Variants in IDNK observed in about 807,000 individuals in gnomAD.
IDNK encodes the protein gluconokinase.
Under a neutral mutation model 13.0 loss-of-function variants are expected in IDNK, and 9 were observed. That is an observed-to-expected ratio of 0.69 (90% CI 0.42 to 1.21). The LOEUF is 1.21. Ranked by LOEUF, IDNK falls within the 50% of genes most tolerant of loss-of-function variation. The pLI, the probability that IDNK is intolerant of heterozygous loss-of-function variation, is 0.00. For missense variants in IDNK, 210 were observed against 237.8 expected (o/e 0.88, Z 0.77); for synonymous variants, 92 against 94.9 (o/e 0.97, Z 0.18).
At chr9:83,624,026 G>A (rs1276859227) in intron 1 of IDNK, among the ~76,000 whole-genome samples, 1 of 152,192 alleles carries the variant, frequency 6.6e-6, no homozygotes, top group Non-Finnish European at 1.5e-5. Flanking sequence ...ATCAGGAACG[G>A]CCCATGTTGT....
chr9:83,641,657 A>AG, intron 4 of IDNK, 66 bp downstream of exon 4: 3 of 1,527,798 alleles, frequency 2.0e-6, no homozygotes, highest in East Asian at 2.3e-5. Flanking sequence ...CAGAAAAGAC[A>AG]GGGAAAAAAA....
At chr9:83,641,668 A>T in intron 4 of IDNK, 77 bp downstream of exon 4, 2 of 1,419,222 alleles carry the variant, frequency 1.4e-6, no homozygotes, top group Non-Finnish European at 2.0e-6. Context: ...GGGAAAAAAA[A>T]TACACTCCTG....
At chr9:83,640,097 T>C (rs1831262761) in intron 3 of IDNK, among the ~76,000 whole-genome samples, 1 of 152,162 alleles carries the variant, frequency 6.6e-6, no homozygotes, top group South Asian at 2.1e-4. Context: ...TCATAAATGT[T>C]GTAGCTACCA....
At chr9:83,641,797 C>G (rs1455384423) in intron 4 of IDNK, among the ~76,000 whole-genome samples, 1 of 152,230 alleles carries the variant, frequency 6.6e-6, no homozygotes, top group Non-Finnish European at 1.5e-5. Flanking sequence ...TGGAGACAAA[C>G]CTTCTAGACA....
In IDNK at chr9:83,628,931, T is replaced by C. The variant is rs1830936087; in HGVS notation, c.140T>C (p.Met47Thr). The C allele has an allele frequency of 6.2e-7, 1 of 1,613,878 alleles. No individual in the cohort carries two copies. Among genetic ancestry groups the C allele is most frequent in the African/African-American group, 1.3e-5 (1 of 74,930 alleles). ...DYHPEENRRK[M>T]GKGIPLNDQD... ...CACCCGGAGGAAAATCGAAGGAAGA[T>C]GGGAAAAGGCATACCGCTCAATGAC... The change falls in exon 3 of 5, where the codon ATG (methionine) becomes ACG (threonine). Residue 47 changes from methionine (M) to threonine (T), a missense_variant. Coordinates refer to ENST00000376419, the MANE Select transcript of IDNK (RefSeq NM_001001551.4).
At chr9:83,636,264 A>G (rs930432378) in intron 3 of IDNK, among the ~76,000 whole-genome samples, 2 of 152,228 alleles carry the variant, frequency 1.3e-5, no homozygotes, top group Non-Finnish European at 2.9e-5. Flanking sequence ...CCCTACACAC[A>G]CAATCAGCAC....
chr9:83,642,917 A>G (rs1374284715), intron 4 of IDNK, among the ~76,000 whole-genome samples: 1 of 152,040 alleles, frequency 6.6e-6, no homozygotes, highest in Non-Finnish European at 1.5e-5. Context: ...CCAGCTCTGC[A>G]TTGCACCTGG....
intron 1 of IDNK, among the ~76,000 whole-genome samples, chr9:83,625,256 C>T (rs1049946397): frequency 6.6e-6 from 1 of 152,146 alleles, no homozygotes; most frequent in African/African-American, 2.4e-5. Context: ...GGAGTCGCCA[C>T]AAACTGATTT....
intron 3 of IDNK, among the ~76,000 whole-genome samples, chr9:83,636,586 T>C (rs927167512): frequency 6.6e-6 from 1 of 152,222 alleles, no homozygotes; most frequent in Non-Finnish European, 1.5e-5. Context: ...GCATTAAATA[T>C]ATACACTCTT....
intron 3 of IDNK, among the ~76,000 whole-genome samples, chr9:83,637,528 C>T (rs1323188378): frequency 2.0e-5 from 3 of 152,212 alleles, no homozygotes; most frequent in Middle Eastern, 6.8e-3. Flanking sequence ...GGTGGTTACC[C>T]AGAGCTGGAG....
chr9:83,629,437 CTT>C (rs1204846237), intron 3 of IDNK, among the ~76,000 whole-genome samples: 5 of 152,320 alleles, frequency 3.3e-5, no homozygotes, highest in Non-Finnish European at 5.9e-5. Context: ...AGACCAAATA[CTT>C]ACACTGCTAA....
chr9:83,626,867 G>A (rs1051022966), intron 1 of IDNK: 9 of 1,086,530 alleles, frequency 8.3e-6, no homozygotes, highest in East Asian at 1.0e-4. Flanking sequence ...CACTGCTCTC[G>A]CAACCTTTGG....
At chr9:83,633,334 A>G (rs918459121) in intron 3 of IDNK, among the ~76,000 whole-genome samples, 1 of 152,114 alleles carries the variant, frequency 6.6e-6, no homozygotes, top group Non-Finnish European at 1.5e-5. Context: ...GCAAGACTAC[A>G]TCTCAAAAAT....
chr9:83,637,396 G>A (rs1471881667), intron 3 of IDNK, among the ~76,000 whole-genome samples: 4 of 152,224 alleles, frequency 2.6e-5, no homozygotes, highest in African/African-American at 7.2e-5. Flanking sequence ...CAGGTAACTA[G>A]AGGGTTTTTG....
intron 1 of IDNK, among the ~76,000 whole-genome samples, chr9:83,627,811 T>C (rs1356909514): frequency 6.9e-6 from 1 of 145,380 alleles, no homozygotes; most frequent in Non-Finnish European, 1.5e-5. Context: ...CATTCAATAT[T>C]TTCAGCAGAA....
chr9:83,623,279 C>A, intron 1 of IDNK, 58 bp downstream of exon 1: 1 of 1,334,854 alleles, frequency 7.5e-7, no homozygotes, highest in Non-Finnish European at 9.7e-7. Flanking sequence ...GCGGCGGAGG[C>A]CGGACGCGTC....
At chr9:83,623,382 C>G (rs1338288196) in intron 1 of IDNK, 161 bp downstream of exon 1, 4 of 684,964 alleles carry the variant, frequency 5.8e-6, no homozygotes, top group South Asian at 5.4e-5. Context: ...GCGCCCTCTC[C>G]CCGCCCTCCA....
rs1412362623 is a variant in IDNK, at chr9:83,643,857, T to A, written c.*77T>A. 1 of 1,038,086 alleles carries A rather than the reference T, an allele frequency of 9.6e-7. No individual in the cohort carries two copies. The highest frequency in any genetic ancestry group is 2.4e-5 in the East Asian group (1 of 40,888). 64.3% of individuals were successfully genotyped at this position (1,038,086 alleles called of 1,614,324 possible). A position where few individuals can be genotyped will look rare whatever the true frequency, so the allele number is the denominator to read the frequency against. The stretch of plus-strand genomic sequence containing the variant: ...CATCCCAAACCTCGTTCCAGCCGCC[T>A]TGCCCATACTAGATTCTAAATGTTT... On this transcript the variant is annotated 3_prime_UTR_variant, in exon 5 of 5. Transcript: ENST00000376419.
intron 3 of IDNK, among the ~76,000 whole-genome samples, chr9:83,633,846 T>C (rs1312199364): frequency 6.6e-6 from 1 of 152,130 alleles, no homozygotes; most frequent in East Asian, 1.9e-4. Flanking sequence ...CATCCAACCA[T>C]TAAACAAATG....
Sources: gnomAD v4.1 joint callset for allele counts (sites outside exome capture counted in the v4.1 genomes callset) on GRCh38, gnomAD v4.1.1 for gene constraint, MANE v1.5 for transcripts, NCBI Gene and HGNC (gene_info 2026-07-23, HGNC 2026-07-21) for gene names.